The following NRG3 variants were observed in gnomAD, a reference collection of about 807,000 sequenced individuals.
The protein encoded by NRG3 is neuregulin 3, also known as pro-neuregulin-3, membrane-bound isoform.
Under a neutral mutation model 66.9 loss-of-function variants are expected in NRG3, and 31 were observed. The observed-to-expected ratio is 0.46, with a 90% confidence interval of 0.35 to 0.63. The LOEUF (loss-of-function observed/expected upper bound fraction) is 0.63. Ranked by LOEUF, NRG3 falls within the 20% of genes least tolerant of loss-of-function variation. The pLI, the probability that NRG3 is intolerant of heterozygous loss-of-function variation, is 0.00. For missense variants in NRG3, 910 were observed against 878.9 expected, an observed-to-expected ratio of 1.04 and a Z score of -0.45; for synonymous variants, 393 against 359.4, an observed-to-expected ratio of 1.09 and a Z score of -1.06.
chr10:82,263,743 T>C (rs2078156524), intron 1 of NRG3, among the ~76,000 whole-genome samples: 2 of 152,170 alleles, frequency 1.3e-5, no homozygotes, highest in South Asian at 4.1e-4. Flanking sequence ...AGGGATGACA[T>C]GTAGCCATTT....
chr10:82,133,815 T>G (rs2069119258), intron 1 of NRG3, among the ~76,000 whole-genome samples: 1 of 152,190 alleles, frequency 6.6e-6, no homozygotes. Context: ...GAAGTTCTAC[T>G]TTTAGCTCTT....
chr10:82,656,308 C>CTTTTTTTTTTTTTTTTTTTTTT (rs3040205), intron 2 of NRG3, among the ~76,000 whole-genome samples: 2 of 132,038 alleles, frequency 1.5e-5, no homozygotes, highest in Admixed American at 7.8e-5. Flanking sequence ...TTTCTTTTTT[C>CTTTTTTTTTTTTTTTTTTTTTT]TTTTTTTTTT....
At chr10:82,577,710 G>GA (rs1343662242) in intron 2 of NRG3, among the ~76,000 whole-genome samples, 1 of 151,606 alleles carries the variant, frequency 6.6e-6, no homozygotes, top group Non-Finnish European at 1.5e-5. Context: ...GATGTTTCAT[G>GA]AATTTTCGGG....
chr10:81,956,006 G>A (rs933752563), intron 1 of NRG3, among the ~76,000 whole-genome samples: 1 of 152,142 alleles, frequency 6.6e-6, no homozygotes, highest in Admixed American at 6.6e-5. Flanking sequence ...CTGTTGCTTA[G>A]ATGTGGCAGA....
chr10:82,981,152 A>G (rs889628516), intron 8 of NRG3, among the ~76,000 whole-genome samples: 1 of 152,136 alleles, frequency 6.6e-6, no homozygotes, highest in Non-Finnish European at 1.5e-5. Context: ...AACAATGCAC[A>G]TATCATCAGG....
intron 2 of NRG3, among the ~76,000 whole-genome samples, chr10:82,665,002 G>T (rs773092218): frequency 3.9e-5 from 6 of 151,942 alleles, no homozygotes. Context: ...CATATTCTCC[G>T]CCTTCTCACG....
At chr10:82,224,906 A>G (rs2076100403) in intron 1 of NRG3, among the ~76,000 whole-genome samples, 1 of 152,108 alleles carries the variant, frequency 6.6e-6, no homozygotes, top group East Asian at 1.9e-4. Context: ...GAGACTTTCT[A>G]AAACAAACAA....
At chr10:82,189,577 G>A (rs1009067439) in intron 1 of NRG3, among the ~76,000 whole-genome samples, 11 of 151,990 alleles carry the variant, frequency 7.2e-5, no homozygotes, top group Non-Finnish European at 1.6e-4. Flanking sequence ...AGATCACGAG[G>A]TTAGGAGTTC....
chr10:81,989,750 A>G (rs2060664443), intron 1 of NRG3, among the ~76,000 whole-genome samples: 1 of 152,180 alleles, frequency 6.6e-6, no homozygotes, highest in African/African-American at 2.4e-5. Flanking sequence ...GAGGCTGAGT[A>G]GAAAGATGAG....
intron 4 of NRG3, among the ~76,000 whole-genome samples, chr10:82,904,566 T>C (rs1432504212): frequency 2.0e-5 from 3 of 152,142 alleles, no homozygotes; most frequent in Admixed American, 2.0e-4. Context: ...TGAAACAGTA[T>C]TCCTCAATGT....
intron 5 of NRG3, among the ~76,000 whole-genome samples, chr10:82,957,302 G>A (rs1302795062): frequency 6.6e-6 from 1 of 151,890 alleles, no homozygotes; most frequent in Non-Finnish European, 1.5e-5. Flanking sequence ...GGGTAGCAGA[G>A]TGGGATTCAA....
intron 1 of NRG3, among the ~76,000 whole-genome samples, chr10:81,932,193 A>G (rs1847426086): frequency 1.4e-5 from 2 of 140,950 alleles, no homozygotes; most frequent in Non-Finnish European, 3.0e-5. Flanking sequence ...GAGAGAGAGG[A>G]GAGAGAGATT....
intron 3 of NRG3, among the ~76,000 whole-genome samples, chr10:82,823,154 G>C (rs1035747603): frequency 3.3e-5 from 5 of 152,142 alleles, no homozygotes; most frequent in African/African-American, 1.2e-4. Context: ...GAGAGCCAAG[G>C]ATGACAAAAT....
Position 82,213,401 on chromosome 10 carries a change from T to C in NRG3, c.824-145338T>C, listed in dbSNP as rs560057595. Among the ~76,000 whole-genome samples the C allele has an allele frequency of 4.4e-4, 67 of 152,282 alleles. 1 individual carries two copies. The highest frequency in any genetic ancestry group is 1.6e-3 in the African/African-American group (67 of 41,568). On this transcript the variant is annotated intron_variant, in intron 1 of 8. Transcript: ENST00000372141. Reference sequence around the variant, plus strand: ...AAAACTTTGTTTCATGCACAATAAATATTACATAAAATTATCTTCTAGATT... The same window carrying C: ...AAAACTTTGTTTCATGCACAATAAACATTACATAAAATTATCTTCTAGATT...
intron 3 of NRG3, among the ~76,000 whole-genome samples, chr10:82,856,756 CA>C (rs67224862): frequency 0.22 from 23,355 of 105,380 alleles, 1,845 homozygotes; most frequent in African/African-American, 0.23. Context: ...AAAAAAAAAA[CA>C]AAAAAAAAAA....
chr10:82,803,307 G>A (rs1054490544), intron 3 of NRG3, among the ~76,000 whole-genome samples: 20 of 152,104 alleles, frequency 1.3e-4, no homozygotes, highest in African/African-American at 4.8e-4. Flanking sequence ...GAAATGTGTG[G>A]TCAATATTCT....
intron 2 of NRG3, among the ~76,000 whole-genome samples, chr10:82,431,964 G>C (rs7900928): frequency 0.43 from 65,804 of 151,902 alleles, 18,341 homozygotes; most frequent in African/African-American, 0.79. Flanking sequence ...TCTCATAATT[G>C]CACAGGATGG....
intron 2 of NRG3, among the ~76,000 whole-genome samples, chr10:82,509,988 C>T (rs574028823): frequency 2.0e-5 from 3 of 152,250 alleles, no homozygotes; most frequent in Admixed American, 1.3e-4. Flanking sequence ...CTTCTCCCTG[C>T]ACTTCCCTCC....
intron 2 of NRG3, among the ~76,000 whole-genome samples, chr10:82,447,865 A>G (rs766866387): frequency 6.6e-6 from 1 of 152,186 alleles, no homozygotes; most frequent in Non-Finnish European, 1.5e-5. Context: ...AAATATAAAT[A>G]GCTGCTCTTG....
Sources: allele counts gnomAD v4.1 joint callset (sites outside exome capture counted in the v4.1 genomes callset), GRCh38; gene constraint gnomAD v4.1.1; transcripts MANE v1.5; gene names NCBI Gene and HGNC (gene_info 2026-07-23, HGNC 2026-07-21).